Variants in SCMH1 observed in about 807,000 individuals in gnomAD.
SCMH1 encodes polycomb protein SCMH1.
Under a neutral mutation model 70.8 loss-of-function variants are expected in SCMH1, and 37 were observed. The ratio of observed to expected loss-of-function variants is 0.52; its 90% CI spans 0.40 to 0.69. The LOEUF (loss-of-function observed/expected upper bound fraction) is 0.69. Among genes scored for constraint, SCMH1 ranks in the 30% least tolerant of loss-of-function variants. The probability of loss-of-function intolerance (pLI) is 0.00; values close to 1 mark genes in which losing one functional copy is unlikely to be tolerated. For missense variants in SCMH1, 607 were observed against 827.3 expected (o/e 0.73, Z 3.27); for synonymous variants, 292 against 307.4 (o/e 0.95, Z 0.52).
chr1:41,156,680 C>G (rs1645578961), intron 4 of SCMH1, among the ~76,000 whole-genome samples: 1 of 152,296 alleles, frequency 6.6e-6, no homozygotes, highest in African/African-American at 2.4e-5. Context: ...CTCAAGTGAT[C>G]TAACTGCCTC....
intron 6 of SCMH1, among the ~76,000 whole-genome samples, chr1:41,139,649 T>C (rs533858211): frequency 3.9e-5 from 6 of 152,288 alleles, no homozygotes; most frequent in African/African-American, 1.4e-4. Flanking sequence ...TGCAATGTCA[T>C]ATTTAGGACA....
At chr1:41,127,327 T>A (rs1277298416) in intron 6 of SCMH1, among the ~76,000 whole-genome samples, 3 of 152,138 alleles carry the variant, frequency 2.0e-5, no homozygotes, top group African/African-American at 7.2e-5. Flanking sequence ...GCTTGGAGTG[T>A]TTTTTTCCCC....
chr1:41,030,043 C>T (rs1644299875), intron 13 of SCMH1, among the ~76,000 whole-genome samples: 1 of 152,012 alleles, frequency 6.6e-6, no homozygotes, highest in Non-Finnish European at 1.5e-5. Flanking sequence ...GCAAGAACCC[C>T]ATCTCTACAA....
At position 41,048,800 on chromosome 1, in the gene SCMH1, C is replaced by T. The variant is rs376970948; in HGVS notation, c.1196G>A (p.Arg399His). The stretch of plus-strand genomic sequence containing the variant: ...AGCCTGCTGCAACACCACAGAGGCA[C>T]GGGCTGGTCCAAAATGGTCAGGGAG... The change falls in exon 11 of 15, where the codon CGT becomes CAT. Residue 399 changes from arginine to histidine, a missense_variant. Around this residue, in one of 3 missense-constraint regions of SCMH1, gnomAD observed 430 missense variants for 528.2 expected, o/e 0.81. Transcript: ENST00000337495. The T allele has an allele frequency of 5.1e-5, 83 of 1,614,184 alleles. No individual in the cohort carries two copies. In the East Asian group the frequency reaches 6.9e-4, roughly 13 times the overall value.
chr1:41,039,265 GTC>G (rs1645754499), intron 12 of SCMH1, among the ~76,000 whole-genome samples: 1 of 152,170 alleles, frequency 6.6e-6, no homozygotes, highest in Admixed American at 6.5e-5. Flanking sequence ...ACCATTGAGT[GTC>G]TCTTCCTTTC....
At chr1:41,029,245 C>G (rs1312631948) in intron 13 of SCMH1, among the ~76,000 whole-genome samples, 1 of 152,254 alleles carries the variant, frequency 6.6e-6, no homozygotes, top group Non-Finnish European at 1.5e-5. Flanking sequence ...GAGTCTCGCT[C>G]TGTCACCCAG....
chr1:41,200,566 T>C (rs1179546358), intron 1 of SCMH1, among the ~76,000 whole-genome samples: 1 of 150,396 alleles, frequency 6.6e-6, no homozygotes. Flanking sequence ...GAGTTAGGAA[T>C]AGATACTAAA....
At chr1:41,148,689 T>C (rs1388493827) in intron 5 of SCMH1, among the ~76,000 whole-genome samples, 1 of 152,148 alleles carries the variant, frequency 6.6e-6, no homozygotes, top group East Asian at 1.9e-4. Flanking sequence ...CTATCAATGG[T>C]TTTGTGCAAT....
chr1:41,241,803 G>A (rs1342948290), intron 1 of SCMH1, among the ~76,000 whole-genome samples: 7 of 151,836 alleles, frequency 4.6e-5, no homozygotes, highest in Non-Finnish European at 8.8e-5. Context: ...GGCCGCGACC[G>A]GACCGTGGGC....
intron 2 of SCMH1, among the ~76,000 whole-genome samples, chr1:41,163,582 TAAG>T (rs1480487561): frequency 6.6e-6 from 1 of 152,168 alleles, no homozygotes; most frequent in African/African-American, 2.4e-5. Context: ...GGTGTTATCA[TAAG>T]AAGAGAAGGT....
rs142907050 is a variant in SCMH1 at position 41,054,163 on chromosome 1, T to C, written c.1106-5273A>G. Among the ~76,000 whole-genome samples, 745 of 152,224 alleles carry C rather than the reference T, an allele frequency of 4.9e-3. 4 individuals carry two copies. Among genetic ancestry groups the C allele is most frequent in the Non-Finnish European group, 6.1e-3 (416 of 68,010 alleles). On this transcript the variant is annotated intron_variant, in intron 10 of 14. Coordinates refer to ENST00000337495, the Ensembl canonical transcript of SCMH1. ...CCGGCCTAAAGGTTCTTAATGAGGC[T>C]GTCAGTGAAGGTTTAAGGGAAAGTG...
chr1:41,227,204 T>C lies in SCMH1; in HGVS notation c.-118+14855A>G, dbSNP rs181385711. Among the ~76,000 whole-genome samples, 73 of 152,360 alleles carry C rather than the reference T, an allele frequency of 4.8e-4. 1 individual carries two copies. Among genetic ancestry groups the C allele is most frequent in the Non-Finnish European group, 7.8e-4 (53 of 68,034 alleles). ...ATCCCCTAGCTAAGTTCCAGTCACATTGGCTCCCTTTCTGAGTCTTGAATA... is the reference window on the plus strand; with the variant it reads ...ATCCCCTAGCTAAGTTCCAGTCACACTGGCTCCCTTTCTGAGTCTTGAATA... On this transcript the variant is annotated intron_variant, in intron 1 of 14. Transcript: ENST00000337495.
chr1:41,064,935 C>T (rs1157983283), intron 10 of SCMH1, among the ~76,000 whole-genome samples: 1 of 151,866 alleles, frequency 6.6e-6, no homozygotes, highest in Non-Finnish European at 1.5e-5. Flanking sequence ...ACAAACCAAA[C>T]CCTCACAATA....
chr1:41,066,278 G>C (rs1654565897), intron 10 of SCMH1, among the ~76,000 whole-genome samples: 1 of 152,180 alleles, frequency 6.6e-6, no homozygotes, highest in Non-Finnish European at 1.5e-5. Flanking sequence ...CAGGGGTTGG[G>C]AAGGTAAAGG....
At chr1:41,066,170 AGCTGCTTATG>A (rs1654524558) in intron 10 of SCMH1, among the ~76,000 whole-genome samples, 1 of 152,200 alleles carries the variant, frequency 6.6e-6, no homozygotes, top group African/African-American at 2.4e-5. Context: ...CGTCAACTGT[AGCTGCTTATG>A]GCTCAGAAAG....
At chr1:41,067,285 A>T (rs1174556906) in intron 10 of SCMH1, among the ~76,000 whole-genome samples, 1 of 151,970 alleles carries the variant, frequency 6.6e-6, no homozygotes, top group Non-Finnish European at 1.5e-5. Context: ...TCTACTAAAA[A>T]TACAAAAAAT....
At chr1:41,048,920 C>T (rs1211100005) in intron 10 of SCMH1, 30 bp from the exon 11 acceptor site, 1 of 1,587,824 alleles carries the variant, frequency 6.3e-7, no homozygotes, top group African/African-American at 1.4e-5. Flanking sequence ...AAAGAAGCTT[C>T]AAGAGTCTCT....
upstream of SCMH1, chr1:41,242,170 AGCGGCGGGCGG>A (rs1200917773): frequency 2.0e-5 from 2 of 98,150 alleles, no homozygotes; most frequent in African/African-American, 3.9e-5. The surrounding 1 kb of genome is among the most constrained non-coding windows in gnomAD (Gnocchi z 5.2). Context: ...GGCTCGGGAG[AGCGGCGGGCGG>A]GCGGCGGGGG....
intron 2 of SCMH1, among the ~76,000 whole-genome samples, chr1:41,180,659 T>C (rs1204751217): frequency 6.6e-6 from 1 of 152,098 alleles, no homozygotes; most frequent in Admixed American, 6.5e-5. Flanking sequence ...AGGAGCTCTT[T>C]AAGGAGAACT....
Sources: allele counts gnomAD v4.1 joint callset (sites outside exome capture counted in the v4.1 genomes callset), GRCh38; gene constraint gnomAD v4.1.1; regional missense constraint gnomAD v4.1.1; non-coding constraint Gnocchi (gnomAD v3.1); transcripts MANE v1.5; gene names NCBI Gene and HGNC (gene_info 2026-07-23, HGNC 2026-07-21).